Variants in TXNDC15 observed in about 807,000 individuals in gnomAD.
The protein encoded by TXNDC15 is thioredoxin domain-containing protein 15.
Under a neutral mutation model 35.0 loss-of-function variants are expected in TXNDC15, and 24 were observed. That is an observed-to-expected ratio of 0.68 (90% CI 0.50 to 0.96). TXNDC15 has a LOEUF of 0.96. TXNDC15 is among the 40% of genes least tolerant of loss of function. The pLI is 0.00. For missense variants in TXNDC15, 385 were observed against 453.3 expected, an observed-to-expected ratio of 0.85 and a Z score of 1.37; for synonymous variants, 169 against 174.0, an observed-to-expected ratio of 0.97 and a Z score of 0.23.
chr5:134,887,681 C>T lies in TXNDC15; in HGVS notation c.104-14C>T. On this transcript the variant is annotated splice_polypyrimidine_tract_variant and intron_variant, in intron 1 of 4. Transcript: ENST00000358387. ...GAAGTCAAATATGACTCTGAATGTG[C>T]TGGCATGTTTTAGTTGCAGAGGAAA... is the stretch of plus-strand genomic sequence containing the variant. The T allele has an allele frequency of 6.4e-7, 1 of 1,550,742 alleles. No individual in the cohort carries two copies. Among genetic ancestry groups the T allele is most frequent in the South Asian group, 1.2e-5 (1 of 80,722 alleles).
At chr5:134,894,212 A>G (rs1297272180) in intron 3 of TXNDC15, among the ~76,000 whole-genome samples, 1 of 151,714 alleles carries the variant, frequency 6.6e-6, no homozygotes, top group Non-Finnish European at 1.5e-5. Flanking sequence ...CTTTAACATG[A>G]CATTTATCTT....
Position 134,887,956 on chromosome 5 carries a change from C to G in TXNDC15, c.365C>G (p.Ser122Ter). ...VTCGAGGAED[S>*]RCNVRESLFS... ...TGTGGTGCTGGAGGAGCGGAGGACT[C>G]AAGGTGCAACGTCCGAGAGAGCCTT... The change falls in exon 2 of 5, where the codon TCA becomes TGA. Residue 122 changes from serine to a stop codon, truncating the protein, a stop_gained. Transcript: ENST00000358387. LOFTEE classifies it high-confidence loss of function. 1 of 1,614,206 alleles carries G rather than the reference C, an allele frequency of 6.2e-7. No homozygotes were observed. Among genetic ancestry groups the G allele is most frequent in the South Asian group, 1.1e-5 (1 of 91,080 alleles).
intron 4 of TXNDC15, among the ~76,000 whole-genome samples, chr5:134,897,146 C>T (rs1456225057): frequency 6.6e-6 from 1 of 150,860 alleles, no homozygotes; most frequent in Non-Finnish European, 1.5e-5. Context: ...ATTGGCCAGG[C>T]TGGTCTCGAT....
intron 1 of TXNDC15, among the ~76,000 whole-genome samples, chr5:134,884,491 A>G (rs981763447): frequency 6.6e-6 from 1 of 151,370 alleles, no homozygotes; most frequent in Non-Finnish European, 1.5e-5. Flanking sequence ...CAGGTGATCT[A>G]CCCGCCTCAG....
chr5:134,897,561 T>C (rs1750519015), intron 4 of TXNDC15, among the ~76,000 whole-genome samples: 1 of 152,266 alleles, frequency 6.6e-6, no homozygotes, highest in African/African-American at 2.4e-5. Context: ...TTATAGATAC[T>C]TTAAAACAAG....
upstream of TXNDC15, chr5:134,874,231 A>C (rs886346444): frequency 3.6e-6 from 2 of 550,492 alleles, no homozygotes; most frequent in Non-Finnish European, 6.3e-6. Flanking sequence ...GCTCCTAAAG[A>C]GGTCTCCAGT....
chr5:134,899,398 A>C, intron 4 of TXNDC15, 91 bp from the exon 5 acceptor site: 1 of 1,059,652 alleles, frequency 9.4e-7, no homozygotes, highest in Non-Finnish European at 1.4e-6. Flanking sequence ...TTAGGACTGC[A>C]TGTCATTTTG....
intron 1 of TXNDC15, among the ~76,000 whole-genome samples, chr5:134,885,387 G>A (rs1750256218): frequency 6.6e-6 from 1 of 152,210 alleles, no homozygotes; most frequent in Non-Finnish European, 1.5e-5. Context: ...TCAATACCCT[G>A]TGAATTATGA....
At chr5:134,882,214 G>T (rs1392200642) in intron 1 of TXNDC15, among the ~76,000 whole-genome samples, 2 of 150,150 alleles carry the variant, frequency 1.3e-5, no homozygotes, top group Non-Finnish European at 3.0e-5. Flanking sequence ...GGGGCGACAG[G>T]GCAGAGGCGC....
At position 134,898,270 on chromosome 5, in the gene TXNDC15, A is replaced by G. The variant is rs76846077; in HGVS notation, c.887-1219A>G. 1.7e-3 allele frequency among the ~76,000 whole-genome samples: 264 copies of G among 152,280 alleles called. 8 individuals carry two copies. In the East Asian group the frequency reaches 0.04, roughly 23 times the overall value. ...TGTTTTGTTCTTTTTCTTTGCTGCT[A>G]CTGTTCCATTTATTAATCCATTTGT... On this transcript the variant is annotated intron_variant, in intron 4 of 4. Coordinates refer to ENST00000358387, the MANE Select transcript of TXNDC15 (RefSeq NM_024715.4).
At chr5:134,897,186 G>A (rs1229278896) in intron 4 of TXNDC15, among the ~76,000 whole-genome samples, 1 of 152,020 alleles carries the variant, frequency 6.6e-6, no homozygotes, top group Non-Finnish European at 1.5e-5. Context: ...CACCCGCCTC[G>A]GCCTCCCAAA....
chr5:134,898,416 C>T (rs1421795977), intron 4 of TXNDC15, among the ~76,000 whole-genome samples: 1 of 152,180 alleles, frequency 6.6e-6, no homozygotes, highest in Admixed American at 6.5e-5. Flanking sequence ...GTTCATTCCT[C>T]TAAAGCCTCA....
intron 4 of TXNDC15, among the ~76,000 whole-genome samples, chr5:134,896,868 C>A (rs1211867613): frequency 6.6e-6 from 1 of 152,112 alleles, no homozygotes; most frequent in African/African-American, 2.4e-5. Flanking sequence ...TGGTCTCGAT[C>A]TCCTGACCTC....
chr5:134,887,031 ACT>A (rs949964602), intron 1 of TXNDC15, among the ~76,000 whole-genome samples: 1 of 152,044 alleles, frequency 6.6e-6, no homozygotes, highest in Non-Finnish European at 1.5e-5. Flanking sequence ...AACAAATGAA[ACT>A]CTTATCAAAA....
chr5:134,894,117 TCTTTC>T (rs1195672201), intron 3 of TXNDC15, among the ~76,000 whole-genome samples: 5 of 152,090 alleles, frequency 3.3e-5, no homozygotes, highest in African/African-American at 1.2e-4. Flanking sequence ...TCCCTTTCCC[TCTTTC>T]CTTCTTTCTT....
Position 134,874,422 on chromosome 5 carries a change from TG to T in TXNDC15, c.-3del. 6.3e-7 allele frequency: 1 copy of T among 1,594,702 alleles called. No homozygotes were observed. ...GCCGTGCGCCGATTGCCTCTCGGCC[TG>T]GGCAATGGTCCCGGCTGCCGGTCGA... is the stretch of plus-strand genomic sequence containing the variant. On this transcript the variant is annotated 5_prime_UTR_variant, in exon 1 of 5. Coordinates refer to ENST00000358387, the MANE Select transcript of TXNDC15 (RefSeq NM_024715.4).
At position 134,880,819 on chromosome 5, in the gene TXNDC15, A is replaced by G. The variant is rs116192731; in HGVS notation, c.103+6289A>G. ...TGTTTCCAGTGAGAAACCTGTTGTT[A>G]TCCTTTGTTCCTCTCTACATGATGT... is the stretch of plus-strand genomic sequence containing the variant. On this transcript the variant is annotated intron_variant, in intron 1 of 4. Transcript: ENST00000358387. 5.8e-3 allele frequency among the ~76,000 whole-genome samples: 884 copies of G among 151,496 alleles called. 17 individuals carry two copies. Among genetic ancestry groups the G allele is most frequent in the African/African-American group, 0.021 (850 of 41,290 alleles).
At chr5:134,884,720 A>G (rs1750240734) in intron 1 of TXNDC15, among the ~76,000 whole-genome samples, 1 of 151,934 alleles carries the variant, frequency 6.6e-6, no homozygotes, top group African/African-American at 2.4e-5. Context: ...TTTGAATGCA[A>G]TACAGTTACA....
rs1235423219 is a variant in TXNDC15 at position 134,901,355 on chromosome 5, CCGTATCTCAG to C, written c.*1671_*1680del. 4 of 152,126 alleles carry C rather than the reference CCGTATCTCAG, an allele frequency of 2.6e-5. No homozygotes were observed. Among genetic ancestry groups the C allele is most frequent in the African/African-American group, 9.7e-5 (4 of 41,390 alleles). 9.4% of individuals were successfully genotyped at this position (152,126 alleles called of 1,614,324 possible). The stretch of plus-strand genomic sequence containing the variant: ...TGGGGTGGTCACTGGCAGGAGGGGA[CCGTATCTCAG>C]AATGGCACATTATTTCTATTTTACA... On this transcript the variant is annotated 3_prime_UTR_variant, in exon 5 of 5. Transcript: ENST00000358387.
Sources: allele counts gnomAD v4.1 joint callset (sites outside exome capture counted in the v4.1 genomes callset), GRCh38; gene constraint gnomAD v4.1.1; transcripts MANE v1.5; gene names NCBI Gene and HGNC (gene_info 2026-07-23, HGNC 2026-07-21).